Variants in TREM2 observed in about 807,000 individuals in gnomAD.
TREM2 encodes the protein triggering receptor expressed on monocytes 2.
TREM2 carries 20 observed loss-of-function variants against 22.9 expected under a neutral mutation model. The observed-to-expected ratio is 0.87, with a 90% CI of 0.61 to 1.27. The LOEUF is 1.27. TREM2 is among the 50% of genes most tolerant of loss of function. TREM2 has a pLI of 0.00. For synonymous variants in TREM2, 111 were observed against 120.9 expected (o/e 0.92, Z 0.54); for missense variants, 267 against 289.0 (o/e 0.92, Z 0.55).
intron 3 of TREM2, 95 bp from the exon 4 acceptor site, chr6:41,159,161 C>T (rs1024547768): frequency 2.7e-6 from 4 of 1,475,366 alleles, no homozygotes; most frequent in Non-Finnish European, 3.7e-6. Context: ...GCTTCTAGGA[C>T]CTCAGCAAAT....
At chr6:41,162,838 T>G (rs2113881957) in intron 1 of TREM2, among the ~76,000 whole-genome samples, 1 of 152,092 alleles carries the variant, frequency 6.6e-6, no homozygotes, top group Admixed American at 6.5e-5. Flanking sequence ...AGAAAGAGTC[T>G]GAGGGTAGGT....
chr6:41,159,152 C>A (rs1561877655), intron 3 of TREM2, 86 bp from the exon 4 acceptor site: 5 of 1,504,262 alleles, frequency 3.3e-6, no homozygotes, highest in Non-Finnish European at 3.6e-6. Flanking sequence ...AAACCAGGAG[C>A]TTCTAGGACC....
chr6:41,161,218 G>T, intron 2 of TREM2, 45 bp downstream of exon 2: 1 of 1,577,126 alleles, frequency 6.3e-7, no homozygotes, highest in South Asian at 1.1e-5. Context: ...AAAACATGAG[G>T]CCTGGAACAG....
chr6:41,159,858 C>T lies in TREM2; in HGVS notation c.416G>A (p.Gly139Glu). 1.9e-6 allele frequency: 3 copies of T among 1,614,050 alleles called. No homozygotes were observed. Among genetic ancestry groups the T allele is most frequent in the Non-Finnish European group, 2.5e-6 (3 of 1,179,984 alleles). ...LADPLDHRDA[G>E]DLWFPGESES... ...AGACTCCCCGGGGAACCAGAGATCT[C>T]CAGCATCCCGGTGATCCAGGGGGTC... The change falls in exon 3 of 5, where the codon GGA becomes GAA. Residue 139 changes from glycine (G) to glutamate (E), a missense_variant. By Grantham distance (98) the Gly-to-Glu change is moderately conservative (BLOSUM62 -2). Transcript: ENST00000373113.
At position 41,161,469 on chromosome 6, in the gene TREM2, C is replaced by A. The variant is rs143332484; in HGVS notation, c.185G>T (p.Arg62Leu). The change falls in exon 2 of 5, where the codon CGT becomes CTT. Residue 62 changes from arginine (R) to leucine (L), a missense_variant. By Grantham distance (102) the Arg-to-Leu change is moderately radical. Coordinates refer to ENST00000373113, the MANE Select transcript of TREM2 (RefSeq NM_018965.4). ...RQLGEKGPCQ[R>L]VVSTHNLWLL... Reference sequence around the variant, plus strand: ...CCACAAGTTGTGCGTGCTGACCACACGCTGGCATGGGCCCTTCTCTCCCAG... The same window carrying A: ...CCACAAGTTGTGCGTGCTGACCACAAGCTGGCATGGGCCCTTCTCTCCCAG... 6.2e-7 allele frequency: 1 copy of A among 1,614,252 alleles called. No homozygotes were observed. Among genetic ancestry groups the A allele is most frequent in the African/African-American group, 1.3e-5 (1 of 75,068 alleles).
At chr6:41,161,204 G>A (rs988605744) in intron 2 of TREM2, 59 bp downstream of exon 2, 47 of 1,517,032 alleles carry the variant, frequency 3.1e-5, no homozygotes, top group Admixed American at 2.3e-4. Flanking sequence ...GCACACAGAC[G>A]CCCAAAACAT....
chr6:41,158,859 C>T lies in TREM2; in HGVS notation c.676+14G>A, dbSNP rs1765485402. The T allele has an allele frequency of 1.2e-6, 2 of 1,614,112 alleles. No homozygotes were observed. On this transcript the variant is annotated intron_variant, in intron 4 of 4. Coordinates refer to ENST00000373113, the MANE Select transcript of TREM2 (RefSeq NM_018965.4). ...GCCCAGTCCACCCTTGATGGCTGTG[C>T]TCTCCAAGCCCACCTGGCAGAGTTT... is the stretch of plus-strand genomic sequence containing the variant.
chr6:41,162,727 A>T (rs1036028408), intron 1 of TREM2, among the ~76,000 whole-genome samples: 2 of 151,972 alleles, frequency 1.3e-5, no homozygotes, highest in South Asian at 4.2e-4. Context: ...GTGCCCCCCA[A>T]AGCTTCCCCC....
chr6:41,161,540 A>C lies in TREM2; in HGVS notation c.114T>G (p.Tyr38Ter). Residue 38 changes from tyrosine (Y) to a stop codon, truncating the protein, a stop_gained, in exon 2 of 5, where the codon TAT becomes TAG. Transcript: ENST00000373113. LOFTEE classifies it high-confidence loss of function. ...GCCTCCCCCAGTGCTTCATGGAGTC[A>C]TAGGGGCAAGACACCTGCAGGGACT... ...AGQSLQVSCP[Y>*]DSMKHWGRRK... 6.2e-7 allele frequency: 1 copy of C among 1,614,190 alleles called. No homozygotes were observed. The highest frequency in any genetic ancestry group is 8.5e-7 in the Non-Finnish European group (1 of 1,180,030).
At position 41,158,922 on chromosome 6, in the gene TREM2, A is replaced by G. The variant is rs1036861193; in HGVS notation, c.627T>C (p.Ser209=). The G allele has an allele frequency of 1.9e-6, 3 of 1,614,172 alleles. No homozygotes were observed. Among genetic ancestry groups the G allele is most frequent in the Non-Finnish European group, 2.5e-6 (3 of 1,180,036 alleles). ...CTGGGTCATGGCCACAGTCCAGTTCACTGGGTGGATGTGTCCCTGGCTTCT... is the reference window on the plus strand; with the variant it reads ...CTGGGTCATGGCCACAGTCCAGTTCGCTGGGTGGATGTGTCCCTGGCTTCT... ...HGQKPGTHPP[S]ELDCGHDPGY... Residue 209 remains serine, a synonymous_variant, in exon 4 of 5, where the codon AGT becomes AGC. Transcript: ENST00000373113.
rs1305128333 is a variant in TREM2 at position 41,158,565 on chromosome 6, CA to C, written c.*198del. 6.5e-7 allele frequency: 1 copy of C among 1,535,418 alleles called. No homozygotes were observed. The highest frequency in any genetic ancestry group is 2.0e-5 in the Admixed American group (1 of 50,492). The stretch of plus-strand genomic sequence containing the variant: ...GTAAGTGTTTAAAATGTCCAATATT[CA>C]GAAGTTGTCAGGTGTTCTTACCACC... On this transcript the variant is annotated 3_prime_UTR_variant, in exon 5 of 5. Coordinates refer to ENST00000373113, the MANE Select transcript of TREM2 (RefSeq NM_018965.4).
In TREM2 at chr6:41,159,848, C is replaced by A; in HGVS notation, c.426G>T (p.Trp142Cys). The A allele has an allele frequency of 6.2e-7, 1 of 1,614,062 alleles. No individual in the cohort carries two copies. The highest frequency in any genetic ancestry group is 1.1e-5 in the South Asian group (1 of 91,078). Reference sequence around the variant, plus strand: ...CGAAGCTCTCAGACTCCCCGGGGAACCAGAGATCTCCAGCATCCCGGTGAT... The same window carrying A: ...CGAAGCTCTCAGACTCCCCGGGGAAACAGAGATCTCCAGCATCCCGGTGAT... Reference protein sequence around the residue: ...PLDHRDAGDLWFPGESESFED... With the variant: ...PLDHRDAGDLCFPGESESFED... The change falls in exon 3 of 5, where the codon TGG (tryptophan) becomes TGT (cysteine). Residue 142 changes from tryptophan to cysteine, a missense_variant. Trp to Cys is a radical substitution (Grantham distance 215). Transcript: ENST00000373113.
intron 4 of TREM2, 24 bp from the exon 5 acceptor site, chr6:41,158,804 T>G: frequency 6.2e-7 from 1 of 1,614,236 alleles, no homozygotes; most frequent in Admixed American, 1.7e-5. Flanking sequence ...AGGACTCATG[T>G]GGCCCCTCTC....
At chr6:41,160,668 C>A (rs1287445879) in intron 2 of TREM2, among the ~76,000 whole-genome samples, 3 of 152,098 alleles carry the variant, frequency 2.0e-5, no homozygotes, top group Non-Finnish European at 4.4e-5. Flanking sequence ...CCCCCAACGC[C>A]CCCCGCCAAA....
Position 41,159,036 on chromosome 6 carries a change from T to A in TREM2, c.513A>T (p.Pro171=). Residue 171 remains proline, a synonymous_variant, in exon 4 of 5, where the codon CCA becomes CCT. Coordinates refer to ENST00000373113, the MANE Select transcript of TREM2 (RefSeq NM_018965.4). Reference sequence around the variant, plus strand: ...CCAGGAGGAGAAGGATGGAAGTGGGTGGGAAGGGGATTTCTCCTTCCAAGA... The same window carrying A: ...CCAGGAGGAGAAGGATGGAAGTGGGAGGGAAGGGGATTTCTCCTTCCAAGA... ...RSLLEGEIPF[P]PTSILLLLAC... is the part of the protein sequence containing the mutation. 6.2e-7 allele frequency: 1 copy of A among 1,613,906 alleles called. No homozygotes were observed. Among genetic ancestry groups the A allele is most frequent in the Non-Finnish European group, 8.5e-7 (1 of 1,179,910 alleles).
chr6:41,162,184 C>T (rs1457957376), intron 1 of TREM2, among the ~76,000 whole-genome samples: 1 of 152,228 alleles, frequency 6.6e-6, no homozygotes, highest in Non-Finnish European at 1.5e-5. Flanking sequence ...TGGGGCAGCC[C>T]CCAGAGCCCC....
intron 2 of TREM2, among the ~76,000 whole-genome samples, chr6:41,160,275 G>A (rs1336853860): frequency 6.6e-6 from 1 of 152,094 alleles, no homozygotes; most frequent in Middle Eastern, 3.2e-3. Context: ...TCCCTCTTGG[G>A]AGGTGGCTAA....
rs774833685 is a variant in TREM2 at position 41,162,685 on chromosome 6, GC to G, written c.40+357del. Among the ~76,000 whole-genome samples the G allele has an allele frequency of 3.3e-5, 5 of 152,148 alleles. No homozygotes were observed. The South Asian group carries it at 1.0e-3, about 32-fold the overall frequency. Reference sequence around the variant, plus strand: ...TAACTGTAGGGGCTCATAATTAGTGGCTTATAATTTCAGAGGCTATTACCAG... The same window carrying G: ...TAACTGTAGGGGCTCATAATTAGTGGTTATAATTTCAGAGGCTATTACCAG... On this transcript the variant is annotated intron_variant, in intron 1 of 4. Coordinates refer to ENST00000373113, the MANE Select transcript of TREM2 (RefSeq NM_018965.4).
rs374248493 is a variant in TREM2, at chr6:41,161,361, C to T, written c.293G>A (p.Arg98Gln). 14 of 1,614,106 alleles carry T rather than the reference C, an allele frequency of 8.7e-6. No homozygotes were observed. The highest frequency in any genetic ancestry group is 1.6e-4 in the Middle Eastern group (1 of 6,084). The part of the protein sequence containing the change: ...TLGGTLTITL[R>Q]NLQPHDAGLY... ...ACCCGCATCATGGGGTTGTAGATTC[C>T]GCAGCGTAATGGTGAGAGTGCCACC... Residue 98 changes from arginine (R) to glutamine (Q), a missense_variant, in exon 2 of 5, where the codon CGG (arginine) becomes CAG (glutamine). Coordinates refer to ENST00000373113, the MANE Select transcript of TREM2 (RefSeq NM_018965.4).
Sources: gnomAD v4.1 joint callset for allele counts (sites outside exome capture counted in the v4.1 genomes callset) on GRCh38, gnomAD v4.1.1 for gene constraint, MANE v1.5 for transcripts, NCBI Gene and HGNC (gene_info 2026-07-23, HGNC 2026-07-21) for gene names.